Variants in WWOX observed in about 807,000 individuals in gnomAD.
WWOX encodes WW domain containing oxidoreductase, also known as WW domain-containing oxidoreductase.
WWOX carries 69 observed loss-of-function variants against 46.2 expected under a neutral mutation model. The observed-to-expected ratio is 1.49, with a 90% confidence interval of 1.23 to 1.82. The LOEUF is 1.82. Ranked by LOEUF, WWOX falls within the 40% of genes most tolerant of loss-of-function variation. The pLI is 0.00. For synonymous variants in WWOX, 359 were observed against 202.6 expected (o/e 1.77, Z -6.56); for missense variants, 919 against 542.6 (o/e 1.69, Z -6.89).
chr16:78,531,505 T>G (rs1055348747), intron 8 of WWOX, among the ~76,000 whole-genome samples: 55 of 152,126 alleles, frequency 3.6e-4, no homozygotes, highest in African/African-American at 1.3e-3. Flanking sequence ...TACCAGTTCT[T>G]TTAGTTTCTC....
chr16:79,079,742 A>T (rs2048725714), intron 8 of WWOX, among the ~76,000 whole-genome samples: 2 of 152,242 alleles, frequency 1.3e-5, no homozygotes, highest in Admixed American at 1.3e-4. Context: ...CAGGCTTTGC[A>T]ACAGGGAACT....
chr16:78,108,645 A>G (rs959276695), intron 2 of WWOX, among the ~76,000 whole-genome samples, 158 bp downstream of exon 2: 1 of 152,184 alleles, frequency 6.6e-6, no homozygotes, highest in African/African-American at 2.4e-5. Flanking sequence ...TGGCAGAAGA[A>G]GATGATGAGA....
chr16:78,946,343 C>A (rs1464017564), intron 8 of WWOX, among the ~76,000 whole-genome samples: 1 of 152,006 alleles, frequency 6.6e-6, no homozygotes, highest in Non-Finnish European at 1.5e-5. Flanking sequence ...GGATGCGCCA[C>A]CATGCCCAGC....
At chr16:78,693,049 A>G (rs987855574) in intron 8 of WWOX, among the ~76,000 whole-genome samples, 39 of 152,118 alleles carry the variant, frequency 2.6e-4, no homozygotes, top group Admixed American at 1.3e-3. Flanking sequence ...ATTCATTTTT[A>G]TTTGCCATCC....
intron 8 of WWOX, among the ~76,000 whole-genome samples, chr16:78,887,226 C>G (rs75003906): frequency 0.02 from 2,988 of 151,138 alleles, 107 homozygotes; most frequent in Admixed American, 0.082. Flanking sequence ...TCAATGTCAA[C>G]TTAATCCATT....
intron 6 of WWOX, among the ~76,000 whole-genome samples, chr16:78,403,974 C>G (rs1028062477): frequency 2.0e-5 from 3 of 152,126 alleles, no homozygotes; most frequent in South Asian, 4.1e-4. Flanking sequence ...ATTGTATTAT[C>G]TTAACATATA....
At chr16:78,702,669 A>AC (rs1350260280) in intron 8 of WWOX, among the ~76,000 whole-genome samples, 2 of 147,028 alleles carry the variant, frequency 1.4e-5, no homozygotes, top group South Asian at 2.3e-4. Flanking sequence ...AAAAGAACAA[A>AC]AAAAAAAAAA....
rs537477066 is a variant in WWOX, at chr16:78,866,955, C to T, written c.1057-344653C>T. Reference sequence around the variant, plus strand: ...AAATATGAACCCTTGCCACCAGCTGCATAAATATGATAGCCAAAGGGTTTC... The same window carrying T: ...AAATATGAACCCTTGCCACCAGCTGTATAAATATGATAGCCAAAGGGTTTC... On this transcript the variant is annotated intron_variant, in intron 8 of 8. Coordinates refer to ENST00000566780, the MANE Select transcript of WWOX (RefSeq NM_016373.4). Among the ~76,000 whole-genome samples the T allele has an allele frequency of 1.1e-3, 163 of 152,340 alleles. 3 individuals are homozygous for T. The highest frequency in any genetic ancestry group is 3.6e-3 in the African/African-American group (148 of 41,570).
rs190254175 is a variant in WWOX, at chr16:78,754,335, G to T, written c.1056+321583G>T. Among the ~76,000 whole-genome samples the T allele has an allele frequency of 3.3e-3, 502 of 152,194 alleles. 6 individuals carry two copies. Among genetic ancestry groups the T allele is most frequent in the African/African-American group, 0.011 (476 of 41,514 alleles). The stretch of plus-strand genomic sequence containing the variant: ...TCAGGCTGATTTCAGACAGCCTAAG[G>T]TCAGTGTGCAAGTTAGTATGTACCT... On this transcript the variant is annotated intron_variant, in intron 8 of 8. Coordinates refer to ENST00000566780, the MANE Select transcript of WWOX (RefSeq NM_016373.4).
intron 6 of WWOX, among the ~76,000 whole-genome samples, chr16:78,403,411 T>A (rs1047897734): frequency 2.6e-5 from 4 of 152,242 alleles, no homozygotes; most frequent in Non-Finnish European, 5.9e-5. Flanking sequence ...GCAGAATTTA[T>A]GCATCCATGA....
chr16:78,152,439 G>A (rs2034450850), intron 4 of WWOX, among the ~76,000 whole-genome samples: 2 of 152,152 alleles, frequency 1.3e-5, no homozygotes, highest in African/African-American at 2.4e-5. Context: ...CAAAGAGCAT[G>A]TCCACTTCAA....
At chr16:78,700,770 G>A (rs1384274076) in intron 8 of WWOX, among the ~76,000 whole-genome samples, 1 of 152,188 alleles carries the variant, frequency 6.6e-6, no homozygotes, top group Non-Finnish European at 1.5e-5. Context: ...GCCATCGCTA[G>A]CATGGTGCTT....
At chr16:78,369,419 G>C (rs2081613319) in intron 5 of WWOX, among the ~76,000 whole-genome samples, 1 of 152,150 alleles carries the variant, frequency 6.6e-6, no homozygotes, top group Admixed American at 6.5e-5. Context: ...ACTTATTCCA[G>C]ATTATAAAGA....
intron 5 of WWOX, among the ~76,000 whole-genome samples, chr16:78,342,591 C>T (rs1429362478): frequency 8.3e-6 from 1 of 120,462 alleles, no homozygotes; most frequent in African/African-American, 2.8e-5. Flanking sequence ...CTAAAGGTCT[C>T]TAGCCCAGAA....
At position 78,760,538 on chromosome 16, in the gene WWOX, T is replaced by C. The variant is rs141551643; in HGVS notation, c.1056+327786T>C. The stretch of plus-strand genomic sequence containing the variant: ...AACACACTCCTCAAACCTAAGCTTA[T>C]TCCCAATCACACAGTCAGGAGAGGA... On this transcript the variant is annotated intron_variant, in intron 8 of 8. Coordinates refer to ENST00000566780, the MANE Select transcript of WWOX (RefSeq NM_016373.4). 3.4e-3 allele frequency among the ~76,000 whole-genome samples: 512 copies of C among 152,226 alleles called. 7 individuals carry two copies. Among genetic ancestry groups the C allele is most frequent in the African/African-American group, 0.012 (485 of 41,558 alleles).
At chr16:78,933,241 C>T (rs1457990031) in intron 8 of WWOX, among the ~76,000 whole-genome samples, 3 of 152,188 alleles carry the variant, frequency 2.0e-5, no homozygotes, top group African/African-American at 7.2e-5. Context: ...GAGTTCGAGA[C>T]CAGCCTGACC....
intron 8 of WWOX, among the ~76,000 whole-genome samples, chr16:78,699,751 C>T (rs893394367): frequency 6.6e-5 from 10 of 152,172 alleles, no homozygotes; most frequent in African/African-American, 1.4e-4. Context: ...TTTTTTCAGG[C>T]TCTTCTAATG....
At chr16:78,538,675 AC>A (rs1431494223) in intron 8 of WWOX, among the ~76,000 whole-genome samples, 4 of 152,154 alleles carry the variant, frequency 2.6e-5, no homozygotes, top group African/African-American at 7.2e-5. Context: ...ATTTTTCATA[AC>A]CCTTTACTAG....
intron 8 of WWOX, among the ~76,000 whole-genome samples, chr16:78,690,033 G>A (rs1160638468): frequency 1.3e-5 from 2 of 151,870 alleles, no homozygotes; most frequent in South Asian, 2.1e-4. Context: ...GCCAATTTTT[G>A]TATTTTTAGT....
Sources: allele counts gnomAD v4.1 joint callset (sites outside exome capture counted in the v4.1 genomes callset), GRCh38; gene constraint gnomAD v4.1.1; transcripts MANE v1.5; gene names NCBI Gene and HGNC (gene_info 2026-07-23, HGNC 2026-07-21).